ZDHHC23: variants seen among roughly 807,000 people sequenced by gnomAD.
ZDHHC23 encodes the protein palmitoyltransferase ZDHHC23.
ZDHHC23 carries 41 observed loss-of-function variants against 40.2 expected under a neutral mutation model. The observed-to-expected ratio is 1.02, with a 90% CI of 0.79 to 1.32. ZDHHC23 has a LOEUF of 1.32. Among genes scored for constraint, ZDHHC23 ranks in the 40% most tolerant of loss-of-function variants. The probability of loss-of-function intolerance (pLI) is 0.00; values close to 1 mark genes in which losing one functional copy is unlikely to be tolerated. For synonymous variants in ZDHHC23, 204 were observed against 210.2 expected, an observed-to-expected ratio of 0.97 and a Z score of 0.26; for missense variants, 471 against 541.5, an observed-to-expected ratio of 0.87 and a Z score of 1.29.
chr3:113,954,906 C>T (rs1283508033), intron 3 of ZDHHC23, among the ~76,000 whole-genome samples: 1 of 152,158 alleles, frequency 6.6e-6, no homozygotes, highest in Non-Finnish European at 1.5e-5. Flanking sequence ...CGAGGTCCCA[C>T]CAGATAAACT....
downstream of ZDHHC23, chr3:113,964,821 G>A (rs114330037): frequency 0.018 from 2,964 of 163,302 alleles, 67 homozygotes; most frequent in African/African-American, 0.061. Context: ...AACTCCTGTC[G>A]TGCTATACGG....
At chr3:113,950,669 A>T (rs1283970272) in intron 2 of ZDHHC23, among the ~76,000 whole-genome samples, 1 of 152,170 alleles carries the variant, frequency 6.6e-6, no homozygotes, top group Non-Finnish European at 1.5e-5. Context: ...TTTCATCCTA[A>T]TAGCCCCAAA....
downstream of ZDHHC23, chr3:113,965,214 C>G: frequency 1.2e-6 from 2 of 1,611,932 alleles, no homozygotes; most frequent in Non-Finnish European, 1.7e-6. Context: ...TGATATAGCT[C>G]GTGGTACCTT....
chr3:113,954,968 A>G (rs1939031772), intron 3 of ZDHHC23, among the ~76,000 whole-genome samples: 1 of 152,268 alleles, frequency 6.6e-6, no homozygotes, highest in Admixed American at 6.5e-5. Flanking sequence ...CCAGTTGGCC[A>G]GTAACAAACG....
rs2107471915 is a variant in ZDHHC23 at position 113,954,128 on chromosome 3, A to G, written c.590A>G (p.Asn197Ser). ...RAKKNPGYLS[N>S]PASGDRSLSS... ...AAGAAGAATCCAGGCTACCTCAGCA[A>G]TCCAGCAAGCGGTGACAGATCTCTA... The change falls in exon 3 of 5, where the codon AAT becomes AGT. Residue 197 changes from asparagine to serine, a missense_variant. By Grantham distance (46) the Asn-to-Ser change is conservative. Coordinates refer to ENST00000638807, the MANE Select transcript of ZDHHC23 (RefSeq NM_001320466.2). 1.2e-6 allele frequency: 2 copies of G among 1,614,222 alleles called. No individual in the cohort carries two copies. Among genetic ancestry groups the G allele is most frequent in the Non-Finnish European group, 1.7e-6 (2 of 1,180,040 alleles).
chr3:113,978,229 C>A, the ZDHHC23 span: 1 of 1,614,022 alleles, frequency 6.2e-7, no homozygotes, highest in Non-Finnish European at 8.5e-7. Context: ...CCCTGAGAAT[C>A]GATCTTCACC....
At chr3:113,975,083 T>C in the ZDHHC23 span, among the ~76,000 whole-genome samples, 1 of 152,336 alleles carries the variant, frequency 6.6e-6, no homozygotes, top group South Asian at 2.1e-4. Flanking sequence ...GTTATATGCA[T>C]GTATGCATTT....
intron 2 of ZDHHC23, 56 bp from the exon 3 acceptor site, chr3:113,953,644 C>T (rs1938893526): frequency 6.8e-7 from 1 of 1,476,960 alleles, no homozygotes; most frequent in Non-Finnish European, 9.2e-7. Flanking sequence ...TGTTCTGTAG[C>T]TTTTAATTCA....
At chr3:113,976,096 TAAAAA>T in the ZDHHC23 span, among the ~76,000 whole-genome samples, 33,212 of 151,716 alleles carry the variant, frequency 0.22, 4,342 homozygotes, top group Middle Eastern at 0.37. Context: ...CTGTCTCTAC[TAAAAA>T]TACAAAAATT....
chr3:113,958,845 C>T lies in ZDHHC23; in HGVS notation c.*215C>T. 22 of 1,374,878 alleles carry T rather than the reference C, an allele frequency of 1.6e-5. No homozygotes were observed. The South Asian group carries it at 2.6e-4, about 16-fold the overall frequency. 85.2% of individuals were successfully genotyped at this position (1,374,878 alleles called of 1,614,324 possible). On this transcript the variant is annotated 3_prime_UTR_variant, in exon 5 of 5. Coordinates refer to ENST00000638807, the MANE Select transcript of ZDHHC23 (RefSeq NM_001320466.2). ...CAGTAAAAGTAGAGCCATTCCTTTC[C>T]AGTCACCTTTTTAATTGACTCAGTT...
Position 113,956,358 on chromosome 3 carries a change from G to C in ZDHHC23, c.892G>C (p.Glu298Gln), listed in dbSNP as rs889460700. 1.9e-6 allele frequency: 3 copies of C among 1,613,942 alleles called. No homozygotes were observed. Among genetic ancestry groups the C allele is most frequent in the Non-Finnish European group, 2.5e-6 (3 of 1,180,022 alleles). Residue 298 changes from glutamate (E) to glutamine (Q), a missense_variant, in exon 4 of 5, where the codon GAA (glutamate) becomes CAA (glutamine). Physicochemically the swap from Glu to Gln is conservative, Grantham distance 29. Coordinates refer to ENST00000638807, the MANE Select transcript of ZDHHC23 (RefSeq NM_001320466.2). ...TTTGAGGATAAATAGCTGCGTTGGA[G>C]AATCAAATCATCAAGCATTTATACT... ...HCVWINSCVG[E>Q]SNHQAFILAL...
the ZDHHC23 span, among the ~76,000 whole-genome samples, chr3:113,975,577 C>T: frequency 6.6e-6 from 1 of 152,158 alleles, no homozygotes; most frequent in African/African-American, 2.4e-5. Flanking sequence ...GTGGTGCTTC[C>T]ACTCTGTTTA....
rs1490304955 is a variant in ZDHHC23 at position 113,959,192 on chromosome 3, C to T, written c.*562C>T. ...GGAAAATATTATGATGGAAGAAAAA[C>T]GTTTATAGTCTAGAATATTGAAGCC... On this transcript the variant is annotated 3_prime_UTR_variant, in exon 5 of 5. Coordinates refer to ENST00000638807, the MANE Select transcript of ZDHHC23 (RefSeq NM_001320466.2). 16 of 1,065,268 alleles carry T rather than the reference C, an allele frequency of 1.5e-5. No individual in the cohort carries two copies. The highest frequency in any genetic ancestry group is 1.7e-5 in the Non-Finnish European group (15 of 874,904). 66.0% of individuals were successfully genotyped at this position (1,065,268 alleles called of 1,614,324 possible). A position where few individuals can be genotyped will look rare whatever the true frequency, so the allele number is the denominator to read the frequency against.
chr3:113,959,092 G>T lies in ZDHHC23; in HGVS notation c.*462G>T. On this transcript the variant is annotated 3_prime_UTR_variant, in exon 5 of 5. Coordinates refer to ENST00000638807, the MANE Select transcript of ZDHHC23 (RefSeq NM_001320466.2). ...CCTGGCTACCTCACAGAGCCGTCAT[G>T]AGGGTCACGTGAGGGAAGATGGATG... The T allele has an allele frequency of 1.1e-6, 1 of 948,334 alleles. No individual in the cohort carries two copies. The highest frequency in any genetic ancestry group is 1.3e-6 in the Non-Finnish European group (1 of 748,988). The allele number at this position is 948,334 out of a possible 1,614,324, so 58.7% of individuals were successfully genotyped here.
rs142713456 is a variant in ZDHHC23, at chr3:113,956,499, A to G, written c.1033A>G (p.Asn345Asp). 1.5e-4 allele frequency: 235 copies of G among 1,612,776 alleles called. No homozygotes were observed. In the African/African-American group the frequency reaches 2.8e-3, roughly 19 times the overall value. ...ALFYCPGVYANYSSALSFTCV... is the reference protein window; with the variant it reads ...ALFYCPGVYADYSSALSFTCV... ...TTTCTATTGTCCTGGAGTTTATGCA[A>G]ATTACAGGTGAGCAGTGGGTACCAC... The change falls in exon 4 of 5, where the codon AAT becomes GAT. Residue 345 changes from asparagine to aspartate, a missense_variant. By Grantham distance (23) the Asn-to-Asp change is conservative. Coordinates refer to ENST00000638807, the MANE Select transcript of ZDHHC23 (RefSeq NM_001320466.2).
chr3:113,973,332 G>A, the ZDHHC23 span, among the ~76,000 whole-genome samples: 1 of 152,178 alleles, frequency 6.6e-6, no homozygotes, highest in African/African-American at 2.4e-5. Flanking sequence ...AGAGTTATGA[G>A]TTGATTGCAC....
chr3:113,961,671 T>A lies in ZDHHC23; in HGVS notation c.*3041T>A, dbSNP rs1167948508. 6.6e-6 allele frequency: 1 copy of A among 152,654 alleles called. No individual in the cohort carries two copies. Among genetic ancestry groups the A allele is most frequent in the Non-Finnish European group, 1.5e-5 (1 of 68,032 alleles). 9.5% of individuals were successfully genotyped at this position (152,654 alleles called of 1,614,324 possible). ...TGTTTTCCTTGGTGAATGAAGTCAT[T>A]GTTGTCTTCAAGTGTACCATCTGCC... On this transcript the variant is annotated 3_prime_UTR_variant, in exon 5 of 5. Coordinates refer to ENST00000638807, the MANE Select transcript of ZDHHC23 (RefSeq NM_001320466.2).
At position 113,962,393 on chromosome 3, in the gene ZDHHC23, T is replaced by C. The variant is rs535715525; in HGVS notation, c.*3763T>C. ...ACTGAACGGTTAGTGAAGACAAATG[T>C]CTTAAGAGGCTGCGATGTCTAGGTT... is the stretch of plus-strand genomic sequence containing the variant. On this transcript the variant is annotated 3_prime_UTR_variant, in exon 5 of 5. Transcript: ENST00000638807. 2.0e-5 allele frequency: 3 copies of C among 152,346 alleles called. No homozygotes were observed. The South Asian group carries it at 6.2e-4, about 32-fold the overall frequency. The allele number at this position is 152,346 out of a possible 1,614,324, so 9.4% of individuals were successfully genotyped here.
chr3:113,957,915 G>A (rs924418410), intron 4 of ZDHHC23: 1 of 470,558 alleles, frequency 2.1e-6, no homozygotes, highest in Non-Finnish European at 4.2e-6. Context: ...GCATTGGACT[G>A]GAAAGAATGG....
Sources: allele counts gnomAD v4.1 joint callset (sites outside exome capture counted in the v4.1 genomes callset), GRCh38; gene constraint gnomAD v4.1.1; transcripts MANE v1.5; gene names NCBI Gene and HGNC (gene_info 2026-07-23, HGNC 2026-07-21).